BCAR3: variants seen among roughly 807,000 people sequenced by gnomAD.
The protein encoded by BCAR3 is breast cancer anti-estrogen resistance protein 3.
A neutral mutation model predicts 80.1 loss-of-function variants in BCAR3; 37 were observed. The observed-to-expected ratio is 0.46, with a 90% CI of 0.36 to 0.61. The LOEUF (loss-of-function observed/expected upper bound fraction) is 0.61. Ranked by LOEUF, BCAR3 falls within the 20% of genes least tolerant of loss-of-function variation. BCAR3 has a pLI of 0.00. For missense variants in BCAR3, 978 were observed against 1,068.2 expected (o/e 0.92, Z 1.18); for synonymous variants, 389 against 418.9 (o/e 0.93, Z 0.87).
intron 2 of BCAR3, among the ~76,000 whole-genome samples, chr1:93,784,877 G>C (rs978666941): frequency 6.6e-6 from 1 of 152,240 alleles, no homozygotes; most frequent in Non-Finnish European, 1.5e-5. Flanking sequence ...AGGAAACTTT[G>C]ACGTTGGTGC....
chr1:93,575,281 A>T (rs549950556), intron 8 of BCAR3, among the ~76,000 whole-genome samples: 1 of 152,372 alleles, frequency 6.6e-6, no homozygotes, highest in South Asian at 2.1e-4. Context: ...CTGGACAGAC[A>T]GAAAACTTAA....
chr1:93,565,285 C>CT (rs1553225408), intron 11 of BCAR3, among the ~76,000 whole-genome samples: 1 of 152,136 alleles, frequency 6.6e-6, no homozygotes, highest in African/African-American at 2.4e-5. Flanking sequence ...AGGCTGGCCT[C>CT]TAAGTCCTGA....
chr1:93,636,683 A>G (rs1010554195), intron 3 of BCAR3, among the ~76,000 whole-genome samples: 11 of 152,310 alleles, frequency 7.2e-5, no homozygotes, highest in Admixed American at 7.2e-4. Flanking sequence ...CTAAAAGAAA[A>G]ATCACCCAGC....
intron 3 of BCAR3, among the ~76,000 whole-genome samples, chr1:93,704,052 T>C (rs1485972086): frequency 2.6e-5 from 4 of 152,236 alleles, no homozygotes; most frequent in Admixed American, 1.3e-4. Flanking sequence ...GTTAGTGGTA[T>C]ATAGGACATT....
intron 2 of BCAR3, among the ~76,000 whole-genome samples, chr1:93,738,004 A>T (rs940142809): frequency 6.6e-6 from 1 of 151,888 alleles, no homozygotes; most frequent in Non-Finnish European, 1.5e-5. Flanking sequence ...TTATTTTTTT[A>T]TTTTTATTTT....
intron 2 of BCAR3, among the ~76,000 whole-genome samples, chr1:93,708,936 C>T (rs1649919196): frequency 2.0e-5 from 3 of 152,100 alleles, no homozygotes; most frequent in Non-Finnish European, 4.4e-5. Context: ...TGTTGATGCT[C>T]GTGGGGATCA....
intron 2 of BCAR3, chr1:93,723,555 T>G (rs1005081760): frequency 2.0e-5 from 3 of 152,296 alleles, no homozygotes; most frequent in African/African-American, 7.2e-5. Context: ...AAGAGCACAT[T>G]TCTTTAAGGA....
intron 2 of BCAR3, among the ~76,000 whole-genome samples, chr1:93,805,344 C>A (rs971215579): frequency 6.6e-6 from 1 of 152,162 alleles, no homozygotes; most frequent in Non-Finnish European, 1.5e-5. Flanking sequence ...GTGCTTCAGT[C>A]TGGAAATGAA....
intron 7 of BCAR3, among the ~76,000 whole-genome samples, chr1:93,580,269 T>C (rs533966905): frequency 6.6e-6 from 1 of 152,274 alleles, no homozygotes; most frequent in South Asian, 2.1e-4. Flanking sequence ...CTTGCCATGA[T>C]TCAACACATA....
chr1:93,762,081 C>T (rs1651964424), intron 2 of BCAR3, among the ~76,000 whole-genome samples: 1 of 152,196 alleles, frequency 6.6e-6, no homozygotes, highest in Non-Finnish European at 1.5e-5. Flanking sequence ...AGAATATGTG[C>T]TCTAAGTATC....
intron 5 of BCAR3, chr1:93,585,248 C>G: frequency 5.1e-6 from 5 of 975,672 alleles, no homozygotes; most frequent in Non-Finnish European, 3.7e-6. Flanking sequence ...CAGGTGGCAC[C>G]TGGCCAGAGC....
At chr1:93,695,420 C>T (rs1274567964) in intron 3 of BCAR3, among the ~76,000 whole-genome samples, 1 of 152,212 alleles carries the variant, frequency 6.6e-6, no homozygotes, top group Non-Finnish European at 1.5e-5. Context: ...ACCTCTCCAC[C>T]TGTCTCTTCA....
intron 2 of BCAR3, among the ~76,000 whole-genome samples, chr1:93,789,467 AACATTCC>A (rs1653062248): frequency 6.6e-6 from 1 of 152,268 alleles, no homozygotes; most frequent in East Asian, 1.9e-4. Flanking sequence ...TGTATGTAGT[AACATTCC>A]ACATCCACAA....
At chr1:93,761,502 G>A (rs1651945045) in intron 2 of BCAR3, among the ~76,000 whole-genome samples, 1 of 152,200 alleles carries the variant, frequency 6.6e-6, no homozygotes, top group African/African-American at 2.4e-5. Context: ...TGAAACCACA[G>A]GCTGGTCTTT....
rs1648777085 is a variant in BCAR3, at chr1:93,681,755, G to A, written c.-169C>T. The stretch of plus-strand genomic sequence containing the variant: ...GCGGGGCGTGCCCGCCGAGAATCCC[G>A]CGCGCGTCTAGCCGGTGCGCCCCGC... On this transcript the variant is annotated 5_prime_UTR_variant, in exon 1 of 12. Transcript: ENST00000260502. 3 of 151,692 alleles carry A rather than the reference G, an allele frequency of 2.0e-5. No homozygotes were observed. Among genetic ancestry groups the A allele is most frequent in the Admixed American group, 1.3e-4 (2 of 15,238 alleles). 9.4% of individuals were successfully genotyped at this position (151,692 alleles called of 1,614,324 possible).
chr1:93,845,820 T>C (rs1655155578), intron 1 of BCAR3: 1 of 152,154 alleles, frequency 6.6e-6, no homozygotes, highest in South Asian at 2.1e-4. Flanking sequence ...TAAGCATGCA[T>C]CTGGGCCCGT....
rs777448396 is a variant in BCAR3, at chr1:93,582,873, G to C, written c.1114C>G (p.Pro372Ala). 26 of 1,611,538 alleles carry C rather than the reference G, an allele frequency of 1.6e-5. No individual in the cohort carries two copies. The highest frequency in any genetic ancestry group is 2.1e-5 in the Non-Finnish European group (25 of 1,180,016). ...NSPVFRTGSEPALSPAVVRRV... is the reference protein window; with the variant it reads ...NSPVFRTGSEAALSPAVVRRV... ...CGAACCACTGCTGGGCTCAGGGCAG[G>C]CTCGCTTCCCGTCCTGAACACAGGT... Residue 372 changes from proline to alanine, a missense_variant, in exon 7 of 12, where the codon CCT (proline) becomes GCT (alanine). Coordinates refer to ENST00000260502, the MANE Select transcript of BCAR3 (RefSeq NM_003567.4).
chr1:93,567,934 G>A (rs1570903454), intron 9 of BCAR3, 83 bp from the exon 10 acceptor site: 1 of 1,151,370 alleles, frequency 8.7e-7, no homozygotes, highest in Non-Finnish European at 1.3e-6. Context: ...CGCCTGTAAT[G>A]CCAGCACTTT....
intron 2 of BCAR3, among the ~76,000 whole-genome samples, chr1:93,783,837 G>A (rs992372253): frequency 1.2e-4 from 18 of 152,320 alleles, no homozygotes; most frequent in African/African-American, 3.6e-4. Context: ...GGACAGTGTA[G>A]TCAGTATCTC....
Sources: allele counts gnomAD v4.1 joint callset (sites outside exome capture counted in the v4.1 genomes callset), GRCh38; gene constraint gnomAD v4.1.1; transcripts MANE v1.5; gene names NCBI Gene and HGNC (gene_info 2026-07-23, HGNC 2026-07-21).